Variants in RERG observed in about 807,000 individuals in gnomAD.
RERG encodes the protein ras-related and estrogen-regulated growth inhibitor.
A neutral mutation model predicts 23.2 loss-of-function variants in RERG; 25 were observed. That is an observed-to-expected ratio of 1.08 (90% confidence interval 0.79 to 1.50). The LOEUF is 1.50. Ranked by LOEUF, RERG falls within the 40% of genes most tolerant of loss-of-function variation. RERG has a pLI of 0.00. For synonymous variants in RERG, 81 were observed against 89.1 expected, an observed-to-expected ratio of 0.91 and a Z score of 0.51; for missense variants, 253 against 250.1, an observed-to-expected ratio of 1.01 and a Z score of -0.08.
At chr12:15,210,152 C>T (rs1165183721) in intron 2 of RERG, among the ~76,000 whole-genome samples, 2 of 152,092 alleles carry the variant, frequency 1.3e-5, no homozygotes, top group Admixed American at 1.3e-4. Flanking sequence ...GCTGATTTCC[C>T]CAAACCCATA....
At chr12:15,184,278 C>G (rs1479203217) in intron 2 of RERG, among the ~76,000 whole-genome samples, 3 of 152,090 alleles carry the variant, frequency 2.0e-5, no homozygotes, top group African/African-American at 7.2e-5. Flanking sequence ...TATATTAATA[C>G]AGTAGTGACA....
chr12:15,213,580 G>A (rs1392388459), intron 2 of RERG, among the ~76,000 whole-genome samples: 1 of 152,174 alleles, frequency 6.6e-6, no homozygotes, highest in East Asian at 1.9e-4. Flanking sequence ...GAAGGAACAA[G>A]AATTCCCCCA....
chr12:15,212,153 G>A (rs986486506), intron 2 of RERG, among the ~76,000 whole-genome samples: 81 of 142,464 alleles, frequency 5.7e-4, no homozygotes, highest in African/African-American at 1.6e-3. Flanking sequence ...TCCGCTTCCC[G>A]GGTTCACGCC....
At chr12:15,209,861 G>A (rs1288696232) in intron 2 of RERG, among the ~76,000 whole-genome samples, 1 of 152,192 alleles carries the variant, frequency 6.6e-6, no homozygotes, top group Non-Finnish European at 1.5e-5. Flanking sequence ...TGGAATGCTA[G>A]ACTTGGCTCT....
At chr12:15,207,765 T>A (rs1865312079) in intron 2 of RERG, among the ~76,000 whole-genome samples, 1 of 151,956 alleles carries the variant, frequency 6.6e-6, no homozygotes, top group Admixed American at 6.6e-5. Context: ...CAGGCATGAG[T>A]CAAGGCATGC....
At chr12:15,120,500 A>AG (rs920320219) in intron 3 of RERG, among the ~76,000 whole-genome samples, 7 of 151,744 alleles carry the variant, frequency 4.6e-5, no homozygotes, top group Non-Finnish European at 7.4e-5. Flanking sequence ...GAAATTAAAA[A>AG]AAAAACCAGG....
intron 2 of RERG, among the ~76,000 whole-genome samples, chr12:15,133,273 A>G (rs937167577): frequency 3.3e-5 from 5 of 151,148 alleles, no homozygotes; most frequent in African/African-American, 1.2e-4. Flanking sequence ...AAATCTTAAC[A>G]ATCTCTGATC....
At chr12:15,218,646 TTCTC>T (rs1232192219) in intron 1 of RERG, among the ~76,000 whole-genome samples, 7 of 152,012 alleles carry the variant, frequency 4.6e-5, no homozygotes, top group Admixed American at 3.9e-4. Flanking sequence ...TTGTCCTCAT[TTCTC>T]TCTATGAAAT....
At chr12:15,160,045 A>G (rs1424386648) in intron 2 of RERG, among the ~76,000 whole-genome samples, 1 of 152,188 alleles carries the variant, frequency 6.6e-6, no homozygotes, top group Non-Finnish European at 1.5e-5. Context: ...AATATTTAGT[A>G]TCTATAACAA....
At chr12:15,151,414 C>T (rs942381235) in intron 2 of RERG, among the ~76,000 whole-genome samples, 1 of 152,042 alleles carries the variant, frequency 6.6e-6, no homozygotes, top group Non-Finnish European at 1.5e-5. Flanking sequence ...CAAATTGCAC[C>T]CATATTAGCA....
chr12:15,129,746 A>AG (rs949065601), intron 2 of RERG, among the ~76,000 whole-genome samples: 5 of 151,982 alleles, frequency 3.3e-5, no homozygotes, highest in African/African-American at 4.8e-5. Flanking sequence ...CTATGTTGGT[A>AG]GGGGGTCAGG....
intron 2 of RERG, among the ~76,000 whole-genome samples, chr12:15,210,317 G>A (rs1205317349): frequency 1.3e-5 from 2 of 152,168 alleles, no homozygotes; most frequent in Non-Finnish European, 2.9e-5. Flanking sequence ...CAGAAACATT[G>A]CAATGAATAA....
At chr12:15,160,246 A>T (rs752607051) in intron 2 of RERG, among the ~76,000 whole-genome samples, 2 of 152,006 alleles carry the variant, frequency 1.3e-5, no homozygotes, top group South Asian at 4.2e-4. Flanking sequence ...GATTGTGTAT[A>T]TTTCACGAAT....
At chr12:15,214,569 G>T (rs1421585933) in intron 2 of RERG, among the ~76,000 whole-genome samples, 2 of 152,204 alleles carry the variant, frequency 1.3e-5, no homozygotes, top group Non-Finnish European at 2.9e-5. Flanking sequence ...GACTGATAAA[G>T]TCTCTGCAGT....
intron 2 of RERG, among the ~76,000 whole-genome samples, chr12:15,201,939 C>A (rs147567984): frequency 9.2e-5 from 14 of 151,608 alleles, no homozygotes; most frequent in Admixed American, 8.6e-4. Flanking sequence ...GTCCTGCCAA[C>A]GAAGGGAAAG....
chr12:15,212,042 CTTTTTTTTT>C lies in RERG; in HGVS notation c.61+5378_61+5386del, dbSNP rs772353150. Among the ~76,000 whole-genome samples the C allele has an allele frequency of 4.7e-3, 307 of 64,712 alleles. 4 individuals carry two copies. The highest frequency in any genetic ancestry group is 0.016 in the African/African-American group (270 of 17,332). 42.5% of individuals were successfully genotyped at this position (64,712 alleles called of 152,430 possible). ...ATGTGATATTAGAGCCACGAATAAA[CTTTTTTTTT>C]TTTTTTTTTTTTTTTTTTTGAGACG... On this transcript the variant is annotated intron_variant, in intron 2 of 4. Transcript: ENST00000256953.
chr12:15,111,122 A>C (rs1302685005), intron 4 of RERG: 1 of 410,982 alleles, frequency 2.4e-6, no homozygotes, highest in Non-Finnish European at 4.3e-6. Context: ...TGTGAATATT[A>C]TAGTATTTTC....
intron 2 of RERG, among the ~76,000 whole-genome samples, chr12:15,203,086 T>C (rs1174663538): frequency 6.6e-6 from 1 of 151,806 alleles, no homozygotes; most frequent in African/African-American, 2.4e-5. Context: ...CCTTTTCAAA[T>C]ACCTGCTGGC....
intron 2 of RERG, among the ~76,000 whole-genome samples, chr12:15,163,159 T>C (rs1237526178): frequency 6.6e-6 from 1 of 152,148 alleles, no homozygotes; most frequent in South Asian, 2.1e-4. Flanking sequence ...CCAGAAGCAC[T>C]ACACAAAAGC....
Sources: allele counts gnomAD v4.1 joint callset (sites outside exome capture counted in the v4.1 genomes callset), GRCh38; gene constraint gnomAD v4.1.1; transcripts MANE v1.5; gene names NCBI Gene and HGNC (gene_info 2026-07-23, HGNC 2026-07-21).